Variants in CENPC observed in about 807,000 individuals in gnomAD.
CENPC encodes centromere protein C.
Under a neutral mutation model 112.1 loss-of-function variants are expected in CENPC, and 63 were observed. The observed-to-expected ratio is 0.56, with a 90% confidence interval of 0.46 to 0.69. CENPC has a LOEUF of 0.69. CENPC is among the 30% of genes least tolerant of loss of function. The probability of loss-of-function intolerance (pLI) is 0.00; values close to 1 mark genes in which losing one functional copy is unlikely to be tolerated. For missense variants in CENPC, 1,000 were observed against 1,103.8 expected (o/e 0.91, Z 1.33); for synonymous variants, 333 against 367.6 (o/e 0.91, Z 1.08).
At chr4:67,495,612 C>T (rs902811263) in intron 12 of CENPC, among the ~76,000 whole-genome samples, 6 of 152,052 alleles carry the variant, frequency 3.9e-5, no homozygotes, top group African/African-American at 1.4e-4. Context: ...CCCTTGGACA[C>T]CCCTGGTTTT....
chr4:67,493,813 T>C lies in CENPC; in HGVS notation c.2290+71A>G, dbSNP rs1165540267. On this transcript the variant is annotated intron_variant, in intron 14 of 18. Coordinates refer to ENST00000273853, the MANE Select transcript of CENPC (RefSeq NM_001812.4). ...TTAAGTAAGGTAATGTATATAAACA[T>C]GTAGTGCAGTGTCTGGCACATAGTA... The C allele has an allele frequency of 7.0e-6, 6 of 853,418 alleles. No homozygotes were observed. In the East Asian group the frequency reaches 7.9e-5, roughly 11 times the overall value. The allele number at this position is 853,418 out of a possible 1,614,324, so 52.9% of individuals were successfully genotyped here.
At chr4:67,535,917 C>G (rs987820032) in intron 4 of CENPC, among the ~76,000 whole-genome samples, 2 of 151,996 alleles carry the variant, frequency 1.3e-5, no homozygotes, top group Admixed American at 1.3e-4. Flanking sequence ...AAAAGTTGGA[C>G]TTGGAGGAGG....
intron 12 of CENPC, among the ~76,000 whole-genome samples, chr4:67,498,229 T>C (rs533925884): frequency 6.6e-6 from 1 of 152,284 alleles, no homozygotes; most frequent in Admixed American, 6.5e-5. Flanking sequence ...AGCAAGCCTC[T>C]GTCTCATTCT....
At chr4:67,530,338 G>A (rs369830186) in intron 5 of CENPC, among the ~76,000 whole-genome samples, 1 of 151,828 alleles carries the variant, frequency 6.6e-6, no homozygotes, top group Non-Finnish European at 1.5e-5. Flanking sequence ...TCAGGTAAAA[G>A]GTACTCTTAC....
At position 67,540,115 on chromosome 4, in the gene CENPC, G is replaced by A. The variant is rs528451457; in HGVS notation, c.137-181C>T. Among the ~76,000 whole-genome samples, 3 of 152,220 alleles carry A rather than the reference G, an allele frequency of 2.0e-5. No homozygotes were observed. In the South Asian group the frequency reaches 6.2e-4, roughly 32 times the overall value. ...ATGTTCCTGAGAAGCATCAGGAAAT[G>A]AGAAAAGCAAACAAAACACCTGAAG... On this transcript the variant is annotated intron_variant, in intron 3 of 18. Coordinates refer to ENST00000273853, the MANE Select transcript of CENPC (RefSeq NM_001812.4).
intron 15 of CENPC, chr4:67,492,635 T>G (rs1190482459): frequency 6.3e-6 from 4 of 638,544 alleles, no homozygotes; most frequent in Non-Finnish European, 9.2e-6. Context: ...TGGGTTTCAT[T>G]TGACTGGGAA....
chr4:67,544,243 A>C (rs762945931), intron 1 of CENPC, 48 bp from the exon 2 acceptor site: 3 of 1,044,790 alleles, frequency 2.9e-6, no homozygotes, highest in African/African-American at 3.2e-5. Flanking sequence ...GATAGAGTCG[A>C]GTAAAATTTA....
At chr4:67,526,713 CT>C (rs1038469859) in intron 5 of CENPC, among the ~76,000 whole-genome samples, 23 of 152,020 alleles carry the variant, frequency 1.5e-4, no homozygotes, top group Admixed American at 1.2e-3. Flanking sequence ...ATTAAAAAAA[CT>C]ATAAACCAAT....
rs1725310138 is a variant in CENPC, at chr4:67,492,420, TAAAC to T, written c.2420-149_2420-146del. 5.4e-6 allele frequency: 3 copies of T among 560,576 alleles called. No individual in the cohort carries two copies. In the South Asian group the frequency reaches 8.6e-5, roughly 16 times the overall value. The allele number at this position is 560,576 out of a possible 1,614,324, so 34.7% of individuals were successfully genotyped here. On this transcript the variant is annotated intron_variant, in intron 15 of 18. Transcript: ENST00000273853. ...TCTTCCTATTTATAAATCACTCTGATAAACAAAAATTCAAACTTAAAAACCCATA... is the reference window on the plus strand; with the variant it reads ...TCTTCCTATTTATAAATCACTCTGATAAAAATTCAAACTTAAAAACCCATA...
intron 12 of CENPC, among the ~76,000 whole-genome samples, chr4:67,500,553 C>CCAAAAA (rs1399121371): frequency 1.3e-5 from 2 of 152,080 alleles, no homozygotes; most frequent in South Asian, 4.2e-4. Context: ...ACATCTTATG[C>CCAAAAA]CAAAAAACAA....
At chr4:67,496,370 A>G (rs1473044395) in intron 12 of CENPC, among the ~76,000 whole-genome samples, 2 of 152,230 alleles carry the variant, frequency 1.3e-5, no homozygotes, top group Non-Finnish European at 2.9e-5. Flanking sequence ...AGAACCATGA[A>G]AGATAAATCA....
intron 5 of CENPC, among the ~76,000 whole-genome samples, chr4:67,527,493 CTTTTTT>C (rs11317672): frequency 1.5e-5 from 1 of 68,080 alleles, no homozygotes. Context: ...TCACCCCATC[CTTTTTT>C]TTTTTTTTTT....
intron 14 of CENPC, chr4:67,493,601 A>G (rs1725345137): frequency 3.7e-6 from 1 of 268,498 alleles, no homozygotes; most frequent in African/African-American, 2.2e-5. Context: ...AATGAAAACT[A>G]CTTTACCTTT....
At chr4:67,533,273 C>T (rs774776368) in intron 4 of CENPC, among the ~76,000 whole-genome samples, 47 of 152,222 alleles carry the variant, frequency 3.1e-4, no homozygotes, top group Non-Finnish European at 5.6e-4. Context: ...GCTTCTTCCT[C>T]ATTTTTCTCT....
Position 67,495,661 on chromosome 4 carries a change from C to CA in CENPC, c.2132-450dup, listed in dbSNP as rs541980095. On this transcript the variant is annotated intron_variant, in intron 12 of 18. Transcript: ENST00000273853. ...GTAACAGTTAAAACAAACAAACAAA[C>CA]AAAAAAAACAACAGATTTTCTATTG... 5.1e-3 allele frequency among the ~76,000 whole-genome samples: 768 copies of CA among 151,150 alleles called. 7 individuals carry two copies. The highest frequency in any genetic ancestry group is 0.017 in the African/African-American group (714 of 41,180).
At chr4:67,512,673 T>C in intron 8 of CENPC, 104 bp from the exon 9 acceptor site, 1 of 764,280 alleles carries the variant, frequency 1.3e-6, no homozygotes, top group East Asian at 2.9e-5. Flanking sequence ...CTTCTTAAAT[T>C]TATCCTGTGG....
intron 5 of CENPC, among the ~76,000 whole-genome samples, chr4:67,521,476 C>A (rs536362177): frequency 3.3e-5 from 5 of 152,128 alleles, no homozygotes; most frequent in African/African-American, 1.2e-4. Flanking sequence ...ATCAAAACTA[C>A]AATGAGATAC....
chr4:67,482,549 A>T (rs1054077444), intron 17 of CENPC, among the ~76,000 whole-genome samples: 5 of 152,234 alleles, frequency 3.3e-5, no homozygotes, highest in Non-Finnish European at 7.3e-5. Flanking sequence ...TGTACCATAG[A>T]ATAGTACTCA....
intron 16 of CENPC, among the ~76,000 whole-genome samples, chr4:67,491,458 T>TAGAGAG (rs1560423117): frequency 2.2e-5 from 1 of 45,648 alleles, no homozygotes. Context: ...TATATATATA[T>TAGAGAG]ATATATATAT....
Sources: gnomAD v4.1 joint callset for allele counts (sites outside exome capture counted in the v4.1 genomes callset) on GRCh38, gnomAD v4.1.1 for gene constraint, MANE v1.5 for transcripts, NCBI Gene and HGNC (gene_info 2026-07-23, HGNC 2026-07-21) for gene names.